CRACR2A: variants seen among roughly 807,000 people sequenced by gnomAD.
CRACR2A encodes the protein EF-hand calcium-binding domain-containing protein 4B.
CRACR2A carries 79 observed loss-of-function variants against 90.5 expected under a neutral mutation model. That is an observed-to-expected ratio of 0.87 (90% confidence interval 0.73 to 1.05). CRACR2A has a LOEUF of 1.05. CRACR2A is among the 50% of genes least tolerant of loss of function. CRACR2A has a pLI of 0.00. For missense variants in CRACR2A, 823 were observed against 897.2 expected, an observed-to-expected ratio of 0.92 and a Z score of 1.06; for synonymous variants, 338 against 356.7, an observed-to-expected ratio of 0.95 and a Z score of 0.59.
chr12:3,676,552 T>C (rs1026821171), intron 6 of CRACR2A, among the ~76,000 whole-genome samples: 1 of 152,160 alleles, frequency 6.6e-6, no homozygotes, highest in Non-Finnish European at 1.5e-5. Context: ...ACTAGTGCCC[T>C]TATAAAAGAG....
chr12:3,699,323 C>G (rs1272653307), intron 3 of CRACR2A, among the ~76,000 whole-genome samples: 2 of 152,176 alleles, frequency 1.3e-5, no homozygotes, highest in African/African-American at 4.8e-5. Flanking sequence ...TTATTTCCAT[C>G]TACTGATTAC....
chr12:3,727,307 A>G (rs1282504101), intron 2 of CRACR2A: 1 of 152,232 alleles, frequency 6.6e-6, no homozygotes, highest in Non-Finnish European at 1.5e-5. Context: ...AGAAGTAACC[A>G]TGATAGCTAA....
At chr12:3,732,831 A>G (rs1946382235) in intron 2 of CRACR2A, 111 bp downstream of exon 2, 1 of 152,252 alleles carries the variant, frequency 6.6e-6, no homozygotes, top group African/African-American at 2.4e-5. Context: ...AGAGACCCTC[A>G]GGAGAAATGC....
intron 4 of CRACR2A, among the ~76,000 whole-genome samples, chr12:3,693,965 T>A (rs878869938): frequency 6.6e-6 from 1 of 152,178 alleles, no homozygotes; most frequent in Admixed American, 6.5e-5. Flanking sequence ...GGTCTCCTCC[T>A]GCTGGGTTCC....
At chr12:3,662,773 C>A (rs1167903874) in intron 7 of CRACR2A, among the ~76,000 whole-genome samples, 1 of 152,222 alleles carries the variant, frequency 6.6e-6, no homozygotes, top group Non-Finnish European at 1.5e-5. Context: ...GCAGGAGCCC[C>A]GCAGTGGCTG....
chr12:3,675,110 G>A (rs1945315092), intron 6 of CRACR2A, among the ~76,000 whole-genome samples: 1 of 152,090 alleles, frequency 6.6e-6, no homozygotes, highest in Non-Finnish European at 1.5e-5. Context: ...ACAGTCATCT[G>A]CACCTTGACA....
chr12:3,683,863 G>T (rs1015706125), intron 4 of CRACR2A, among the ~76,000 whole-genome samples: 1 of 152,192 alleles, frequency 6.6e-6, no homozygotes, highest in Non-Finnish European at 1.5e-5. Context: ...TGTACAGAGT[G>T]CTGGTCTAGA....
intron 1 of CRACR2A, among the ~76,000 whole-genome samples, chr12:3,735,180 T>C (rs1946431392): frequency 6.6e-6 from 1 of 152,184 alleles, no homozygotes; most frequent in African/African-American, 2.4e-5. Context: ...ACCTTAAATT[T>C]ATAGAATTTT....
chr12:3,628,250 T>G (rs1944313248), intron 15 of CRACR2A, among the ~76,000 whole-genome samples: 1 of 148,458 alleles, frequency 6.7e-6, no homozygotes, highest in Non-Finnish European at 1.5e-5. Context: ...TCTTTCCTTC[T>G]TTCCTAAAAT....
intron 1 of CRACR2A, among the ~76,000 whole-genome samples, chr12:3,747,990 T>C (rs1436893871): frequency 6.8e-6 from 1 of 148,008 alleles, no homozygotes; most frequent in East Asian, 2.0e-4. Flanking sequence ...TTCCACAGGC[T>C]CAGGGGTACA....
At chr12:3,672,832 G>A in intron 7 of CRACR2A, 1 of 984,122 alleles carries the variant, frequency 1.0e-6, no homozygotes, top group Non-Finnish European at 1.2e-6. Flanking sequence ...GTCTCCTGGA[G>A]AGGTCTTGGA....
intron 4 of CRACR2A, among the ~76,000 whole-genome samples, chr12:3,687,789 C>T (rs778023808): frequency 5.9e-5 from 9 of 152,178 alleles, no homozygotes; most frequent in African/African-American, 1.2e-4. Context: ...AATGGTTGAA[C>T]GAATTTACAC....
At chr12:3,713,671 C>T (rs1946040945) in intron 2 of CRACR2A, among the ~76,000 whole-genome samples, 1 of 152,134 alleles carries the variant, frequency 6.6e-6, no homozygotes. Flanking sequence ...GAAATTCTTT[C>T]CACCCAATCC....
chr12:3,679,667 A>G (rs1591681748), intron 5 of CRACR2A, among the ~76,000 whole-genome samples: 3 of 152,358 alleles, frequency 2.0e-5, no homozygotes, highest in Admixed American at 2.0e-4. Flanking sequence ...GGCCCCACAC[A>G]TAAGGCAGAT....
chr12:3,745,821 A>AAAAGAAAAG (rs1260335176), intron 1 of CRACR2A, among the ~76,000 whole-genome samples: 16 of 8,942 alleles, frequency 1.8e-3, no homozygotes, highest in African/African-American at 2.8e-3. Context: ...AAAATAAAAT[A>AAAAGAAAAG]AAATAAAGAA....
At chr12:3,748,381 G>A (rs754129271) in intron 1 of CRACR2A, among the ~76,000 whole-genome samples, 5 of 152,136 alleles carry the variant, frequency 3.3e-5, no homozygotes, top group Non-Finnish European at 5.9e-5. Flanking sequence ...CCCCATAAAT[G>A]CCTCCCTTGG....
At chr12:3,714,785 C>T (rs1946058555) in intron 2 of CRACR2A, among the ~76,000 whole-genome samples, 1 of 152,150 alleles carries the variant, frequency 6.6e-6, no homozygotes, top group African/African-American at 2.4e-5. Flanking sequence ...AGACAGGGGC[C>T]AGATCTTAGG....
At chr12:3,666,921 GCT>G (rs2137543038) in intron 7 of CRACR2A, among the ~76,000 whole-genome samples, 1 of 152,346 alleles carries the variant, frequency 6.6e-6, no homozygotes, top group Admixed American at 6.5e-5. Context: ...GAAAGCGTAG[GCT>G]TGGCCTTGGA....
chr12:3,702,307 A>G (rs780995659), intron 3 of CRACR2A, among the ~76,000 whole-genome samples: 8 of 152,230 alleles, frequency 5.3e-5, no homozygotes, highest in Admixed American at 2.0e-4. Context: ...AGCTAGCTCA[A>G]TGGAGCAAGA....
Sources: allele counts gnomAD v4.1 joint callset (sites outside exome capture counted in the v4.1 genomes callset), GRCh38; gene constraint gnomAD v4.1.1; transcripts MANE v1.5; gene names NCBI Gene and HGNC (gene_info 2026-07-23, HGNC 2026-07-21).